The following NAV3 variants were observed in gnomAD, a reference collection of about 807,000 sequenced individuals.
NAV3 encodes the protein pore membrane and/or filament interacting like protein 1.
NAV3 carries 87 observed loss-of-function variants against 244.7 expected under a neutral mutation model. The ratio of observed to expected loss-of-function variants is 0.36; its 90% confidence interval spans 0.30 to 0.42. NAV3 has a LOEUF of 0.42. Ranked by LOEUF, NAV3 falls within the 20% of genes least tolerant of loss-of-function variation. The probability of loss-of-function intolerance (pLI) is 1.00; values close to 1 mark genes in which losing one functional copy is unlikely to be tolerated. For missense variants in NAV3, 2,663 were observed against 2,893.3 expected (o/e 0.92, Z 1.83); for synonymous variants, 1,126 against 1,042.2 (o/e 1.08, Z -1.55).
chr12:77,659,378 A>G (rs1185687622), intron 2 of NAV3, among the ~76,000 whole-genome samples: 1 of 152,200 alleles, frequency 6.6e-6, no homozygotes, highest in Non-Finnish European at 1.5e-5. Flanking sequence ...ATCACTGGCC[A>G]TCAGAGAAAT....
intron 1 of NAV3, among the ~76,000 whole-genome samples, chr12:77,907,810 C>T (rs895904322): frequency 8.5e-5 from 13 of 152,080 alleles, no homozygotes; most frequent in Non-Finnish European, 1.8e-4. Context: ...ATATTCCACA[C>T]ATATGTGATA....
rs1290305437 is a variant in NAV3 at position 78,175,240 on chromosome 12, A to G, written c.4982-66A>G. ...TAGAGAACTGCCTCTCAAAAGACCT[A>G]AAAGACTTATTTGTTCAGATCGAGA... On this transcript the variant is annotated intron_variant, in intron 24 of 39. Transcript: ENST00000397909. 2.2e-5 allele frequency: 34 copies of G among 1,564,346 alleles called. No homozygotes were observed. In the East Asian group the frequency reaches 7.1e-4, roughly 33 times the overall value.
At position 77,919,444 on chromosome 12, in the gene NAV3, C is replaced by A. The variant is rs565158977; in HGVS notation, c.244-20875C>A. On this transcript the variant is annotated intron_variant, in intron 1 of 39. Coordinates refer to ENST00000397909, the MANE Select transcript of NAV3 (RefSeq NM_001024383.2). Reference sequence around the variant, plus strand: ...GTATCCAGCTTAACTTCTGAAAATGCTCACACAGTAACAATTGCAACTCCG... The same window carrying A: ...GTATCCAGCTTAACTTCTGAAAATGATCACACAGTAACAATTGCAACTCCG... 9.9e-5 allele frequency among the ~76,000 whole-genome samples: 15 copies of A among 152,150 alleles called. No homozygotes were observed. The South Asian group carries it at 2.7e-3, about 27-fold the overall frequency.
chr12:77,841,300 G>T (rs1180579587), intron 1 of NAV3, among the ~76,000 whole-genome samples: 1 of 152,146 alleles, frequency 6.6e-6, no homozygotes, highest in Non-Finnish European at 1.5e-5. Context: ...AAAACTATGG[G>T]CTATCTCTTC....
At chr12:78,197,175 CCT>C in intron 34 of NAV3, 70 bp from the exon 35 acceptor site, 1 of 1,189,628 alleles carries the variant, frequency 8.4e-7, no homozygotes, top group Non-Finnish European at 1.1e-6. Flanking sequence ...GAGTGCTATT[CCT>C]AAAATATTAA....
rs1351943876 is a variant in NAV3, at chr12:77,665,959, A to G, written c.72+93693A>G. On this transcript the variant is annotated intron_variant, in intron 2 of 8. Transcript: ENST00000550042. ...TTACACATTTCGCTTTAATTCATTT[A>G]CTCAAAATTATCTAGTGCCTAGGAT... Among the ~76,000 whole-genome samples, 3 of 152,184 alleles carry G rather than the reference A, an allele frequency of 2.0e-5. No homozygotes were observed. In the East Asian group the frequency reaches 5.8e-4, roughly 29 times the overall value.
intron 2 of NAV3, among the ~76,000 whole-genome samples, chr12:77,736,144 A>C (rs1877325450): frequency 6.6e-6 from 1 of 152,246 alleles, no homozygotes; most frequent in Non-Finnish European, 1.5e-5. Flanking sequence ...GGCCATATGC[A>C]TTAGGAGTTA....
In NAV3 at chr12:78,112,777, A is replaced by G. The variant is rs1955167066; in HGVS notation, c.2637-3995A>G. On this transcript the variant is annotated intron_variant, in intron 12 of 39. Coordinates refer to ENST00000397909, the MANE Select transcript of NAV3 (RefSeq NM_001024383.2). ...AATCTCGTGTTCTCACAATTCAAAT[A>G]CAATCATGCCCTTCCAACAGTCCCC... is the stretch of plus-strand genomic sequence containing the variant. 5.3e-5 allele frequency among the ~76,000 whole-genome samples: 8 copies of G among 152,082 alleles called. No individual in the cohort carries two copies. The South Asian group carries it at 1.7e-3, about 31-fold the overall frequency.
Position 77,585,585 on chromosome 12 carries a change from A to G in NAV3, c.72+13319A>G, listed in dbSNP as rs944572674. On this transcript the variant is annotated intron_variant, in intron 2 of 8. Transcript: ENST00000550042. ...GTTCTACCTCAGATTATCAGACATT[A>G]GATTCTCATAAGGAGCTCAGAACGT... Among the ~76,000 whole-genome samples, 8 of 152,194 alleles carry G rather than the reference A, an allele frequency of 5.3e-5. No individual in the cohort carries two copies. The East Asian group carries it at 1.5e-3, about 29-fold the overall frequency.
intron 11 of NAV3, among the ~76,000 whole-genome samples, chr12:78,058,058 TGAGGA>T (rs1883777239): frequency 6.6e-6 from 1 of 152,194 alleles, no homozygotes; most frequent in African/African-American, 2.4e-5. Context: ...AAGGGAGTGG[TGAGGA>T]TCACTTTAGA....
At chr12:77,816,787 A>G (rs1254868435) in intron 2 of NAV3, among the ~76,000 whole-genome samples, 1 of 80,644 alleles carries the variant, frequency 1.2e-5, no homozygotes, top group Non-Finnish European at 3.5e-5. Context: ...CAGAAATGCA[A>G]AAGTTACTTG....
At chr12:77,756,460 G>C (rs1008017868) in intron 2 of NAV3, among the ~76,000 whole-genome samples, 3 of 151,994 alleles carry the variant, frequency 2.0e-5, no homozygotes, top group East Asian at 1.9e-4. Flanking sequence ...AGGAATGAAG[G>C]GGTGCTTGGA....
At chr12:77,652,358 A>G (rs1438701410) in intron 2 of NAV3, among the ~76,000 whole-genome samples, 3 of 151,980 alleles carry the variant, frequency 2.0e-5, no homozygotes, top group Non-Finnish European at 4.4e-5. Flanking sequence ...CATAGAGCCT[A>G]CTCCCTAAAG....
intron 5 of NAV3, among the ~76,000 whole-genome samples, chr12:77,987,253 A>G (rs954805689): frequency 6.6e-6 from 1 of 152,204 alleles, no homozygotes; most frequent in African/African-American, 2.4e-5. Context: ...TTTGATACAG[A>G]CAATATGGTA....
chr12:77,658,842 AAAAC>A (rs1158258717), intron 2 of NAV3, among the ~76,000 whole-genome samples: 6 of 152,280 alleles, frequency 3.9e-5, no homozygotes, highest in African/African-American at 1.4e-4. Flanking sequence ...AAACCTGAGA[AAAAC>A]AAGCAATGGG....
chr12:77,693,370 C>T (rs2137168560), intron 2 of NAV3, among the ~76,000 whole-genome samples: 1 of 151,870 alleles, frequency 6.6e-6, no homozygotes, highest in East Asian at 1.9e-4. Context: ...ACCTCATAGT[C>T]CTTGCTATGT....
intron 18 of NAV3, among the ~76,000 whole-genome samples, chr12:78,134,313 T>C (rs552618105): frequency 1.2e-4 from 19 of 152,328 alleles, no homozygotes; most frequent in African/African-American, 4.3e-4. Context: ...TCATCTCTTA[T>C]GTAAAATTTT....
At chr12:77,576,823 C>G (rs1534251) in intron 2 of NAV3, among the ~76,000 whole-genome samples, 25,067 of 151,800 alleles carry the variant, frequency 0.17, 2,578 homozygotes, top group Admixed American at 0.24. Context: ...AAAGAATGGC[C>G]TCATTAAATG....
intron 1 of NAV3, among the ~76,000 whole-genome samples, chr12:77,902,531 A>G (rs903023451): frequency 5.3e-5 from 8 of 152,182 alleles, no homozygotes; most frequent in African/African-American, 1.4e-4. Context: ...CCCACAGCCA[A>G]TATCATACTG....
Sources: allele counts gnomAD v4.1 joint callset (sites outside exome capture counted in the v4.1 genomes callset), GRCh38; gene constraint gnomAD v4.1.1; transcripts MANE v1.5; gene names NCBI Gene and HGNC (gene_info 2026-07-23, HGNC 2026-07-21).